The following PPM1E variants were observed in gnomAD, a reference collection of about 807,000 sequenced individuals.
PPM1E encodes protein phosphatase 1E.
In PPM1E, 20 loss-of-function variants were observed where a neutral mutation model predicts 65.9. The observed-to-expected ratio is 0.30, with a 90% CI of 0.21 to 0.44. The LOEUF (loss-of-function observed/expected upper bound fraction) is 0.44, where lower values mean the gene tolerates loss of function less well. Ranked by LOEUF, PPM1E falls within the 20% of genes least tolerant of loss-of-function variation. The pLI is 1.00. For missense variants in PPM1E, 713 were observed against 953.1 expected (o/e 0.75, Z 3.32); for synonymous variants, 352 against 374.9 (o/e 0.94, Z 0.70).
chr17:58,805,031 C>G (rs1049176292), intron 1 of PPM1E, among the ~76,000 whole-genome samples: 2 of 152,134 alleles, frequency 1.3e-5, no homozygotes, highest in Admixed American at 6.6e-5. Context: ...TCCCACCCCC[C>G]ACCATACCCT....
intron 6 of PPM1E, among the ~76,000 whole-genome samples, chr17:58,979,244 TAA>T (rs1383015563): frequency 1.3e-5 from 2 of 152,124 alleles, no homozygotes; most frequent in Non-Finnish European, 2.9e-5. Context: ...TCTCTAAATA[TAA>T]GAGAAAAATG....
rs2031320780 is a variant in PPM1E, at chr17:58,980,927, T to C, written c.2164T>C (p.Trp722Arg). Residue 722 changes from tryptophan to arginine, a missense_variant, in exon 7 of 7, where the codon TGG becomes CGG. Trp to Arg is a moderately radical substitution (Grantham distance 101). Transcript: ENST00000308249. This position sits in a 1 kb window ranked among gnomAD's most constrained non-coding sequence, Gnocchi z 4.7. ...KRNRIRSSLP[W>R]RQNSWKGYSE... ...AAATAGGATAAGAAGTTCTCTGCCA[T>C]GGAGGCAAAATAGTTGGAAAGGGTA... The C allele has an allele frequency of 6.2e-7, 1 of 1,614,156 alleles. No homozygotes were observed. Among genetic ancestry groups the C allele is most frequent in the Non-Finnish European group, 8.5e-7 (1 of 1,179,984 alleles).
intron 1 of PPM1E, among the ~76,000 whole-genome samples, chr17:58,905,336 G>A (rs1407944648): frequency 6.6e-6 from 1 of 152,184 alleles, no homozygotes; most frequent in African/African-American, 2.4e-5. Flanking sequence ...GAAGCTAGCT[G>A]TAAGTCTTTT....
intron 2 of PPM1E, 50 bp downstream of exon 2, chr17:58,955,817 T>G: frequency 6.6e-7 from 1 of 1,514,456 alleles, no homozygotes; most frequent in Non-Finnish European, 8.8e-7. Flanking sequence ...ATCTTCTATA[T>G]GTAGTGGTCC....
chr17:58,838,081 A>T (rs947865798), intron 1 of PPM1E, among the ~76,000 whole-genome samples: 5 of 152,240 alleles, frequency 3.3e-5, no homozygotes, highest in African/African-American at 9.6e-5. Flanking sequence ...TGTAAAATGC[A>T]TAACTTATAA....
chr17:58,960,020 G>A (rs913605200), intron 2 of PPM1E, among the ~76,000 whole-genome samples: 4 of 152,186 alleles, frequency 2.6e-5, no homozygotes, highest in Non-Finnish European at 5.9e-5. Flanking sequence ...GAATTTGTCA[G>A]TTGTACATGA....
chr17:58,948,840 T>G (rs574174836), intron 1 of PPM1E, among the ~76,000 whole-genome samples: 12 of 152,356 alleles, frequency 7.9e-5, no homozygotes, highest in African/African-American at 2.9e-4. Flanking sequence ...TCACTTGTTA[T>G]TGGTTTCTAG....
intron 2 of PPM1E, among the ~76,000 whole-genome samples, chr17:58,964,845 A>G (rs929902316): frequency 7.9e-5 from 12 of 152,100 alleles, no homozygotes; most frequent in African/African-American, 2.9e-4. Flanking sequence ...GGAGTTCAAG[A>G]CCAGCCTGGC....
chr17:58,974,215 C>A (rs954668278), intron 6 of PPM1E, among the ~76,000 whole-genome samples: 1 of 152,084 alleles, frequency 6.6e-6, no homozygotes, highest in Non-Finnish European at 1.5e-5. Context: ...AGCCTTTCTC[C>A]GTATTTTATC....
chr17:58,784,012 GT>G (rs2050074203), intron 1 of PPM1E, among the ~76,000 whole-genome samples: 1 of 149,738 alleles, frequency 6.7e-6, no homozygotes, highest in African/African-American at 2.5e-5. Context: ...TGCCCGGCCT[GT>G]TTTTTTTGTT....
intron 1 of PPM1E, among the ~76,000 whole-genome samples, chr17:58,803,443 C>T (rs918412932): frequency 1.3e-5 from 2 of 152,060 alleles, no homozygotes; most frequent in African/African-American, 4.8e-5. Context: ...GATCATGGTG[C>T]ATAGTCTTTT....
chr17:58,881,996 CAAAAAAAA>C (rs58449667), intron 1 of PPM1E, among the ~76,000 whole-genome samples: 135 of 62,214 alleles, frequency 2.2e-3, no homozygotes, highest in African/African-American at 5.0e-3. Context: ...CCTGTCTCTA[CAAAAAAAA>C]AAAAAAAAAA....
chr17:58,798,855 G>A (rs1015408866), intron 1 of PPM1E, among the ~76,000 whole-genome samples: 3 of 151,746 alleles, frequency 2.0e-5, no homozygotes, highest in African/African-American at 7.3e-5. Flanking sequence ...CACCATGCTC[G>A]GCTAAATTTT....
rs572575534 is a variant in PPM1E at position 58,882,358 on chromosome 17, A to G, written c.465-73291A>G. Among the ~76,000 whole-genome samples, 70 of 152,158 alleles carry G rather than the reference A, an allele frequency of 4.6e-4. 1 individual carries two copies. Among genetic ancestry groups the G allele is most frequent in the African/African-American group, 1.7e-3 (69 of 41,512 alleles). ...TTGCAGGGAATTTTCCTCCTTTTAT[A>G]TAAGTAGGGTCATACTGTCTATATT... On this transcript the variant is annotated intron_variant, in intron 1 of 6. Coordinates refer to ENST00000308249, the MANE Select transcript of PPM1E (RefSeq NM_014906.5).
chr17:58,880,109 G>A (rs538295020), intron 1 of PPM1E, among the ~76,000 whole-genome samples: 2 of 152,284 alleles, frequency 1.3e-5, no homozygotes, highest in South Asian at 2.1e-4. Flanking sequence ...AATTGTGTGG[G>A]GAGGCTTAAA....
At chr17:58,756,543 A>C in intron 1 of PPM1E, 82 bp downstream of exon 1, 1 of 1,236,054 alleles carries the variant, frequency 8.1e-7, no homozygotes, top group Non-Finnish European at 1.0e-6. Context: ...GGCCCCTCAA[A>C]CTGCTCTCTT....
intron 3 of PPM1E, among the ~76,000 whole-genome samples, chr17:58,966,968 A>G (rs1191426976): frequency 2.6e-5 from 4 of 152,244 alleles, no homozygotes; most frequent in African/African-American, 9.6e-5. Context: ...AATGTAACCC[A>G]GAAGGATTGT....
chr17:58,840,815 G>A (rs950817201), intron 1 of PPM1E, among the ~76,000 whole-genome samples: 4 of 152,176 alleles, frequency 2.6e-5, no homozygotes, highest in Admixed American at 1.3e-4. Context: ...CTGGGCCAGC[G>A]TCATCAGTGG....
chr17:58,874,361 G>A (rs2051106152), intron 1 of PPM1E, among the ~76,000 whole-genome samples: 1 of 152,120 alleles, frequency 6.6e-6, no homozygotes, highest in Non-Finnish European at 1.5e-5. Flanking sequence ...GTATGGTCTG[G>A]TCATTGTCCA....
Sources: allele counts gnomAD v4.1 joint callset (sites outside exome capture counted in the v4.1 genomes callset), GRCh38; gene constraint gnomAD v4.1.1; non-coding constraint Gnocchi (gnomAD v3.1); transcripts MANE v1.5; gene names NCBI Gene and HGNC (gene_info 2026-07-23, HGNC 2026-07-21).